UPF3A: variants seen among roughly 807,000 people sequenced by gnomAD.
UPF3A encodes regulator of nonsense transcripts 3A.
UPF3A carries 42 observed loss-of-function variants against 53.5 expected under a neutral mutation model. The observed-to-expected ratio is 0.78, with a 90% CI of 0.61 to 1.01. The LOEUF is 1.01. UPF3A is among the 50% of genes least tolerant of loss of function. The pLI is 0.00. For missense variants in UPF3A, 575 were observed against 598.0 expected (o/e 0.96, Z 0.40); for synonymous variants, 237 against 225.3 (o/e 1.05, Z -0.47).
intron 7 of UPF3A, among the ~76,000 whole-genome samples, chr13:114,296,798 G>A (rs373197199): frequency 6.6e-6 from 1 of 152,180 alleles, no homozygotes; most frequent in African/African-American, 2.4e-5. Context: ...CGCAGCTGGT[G>A]TCGGAGGGGT....
intron 3 of UPF3A, chr13:114,285,208 A>G (rs2084556529): frequency 6.6e-6 from 1 of 152,208 alleles, no homozygotes; most frequent in East Asian, 1.9e-4. Flanking sequence ...TCCCCATTGA[A>G]TGGTCTGGGC....
chr13:114,282,374 G>A (rs1298166386), intron 2 of UPF3A: 12 of 1,137,152 alleles, frequency 1.1e-5, no homozygotes, highest in South Asian at 3.8e-5. Context: ...TAGGAAAGCG[G>A]GTGCCTTTGA....
chr13:114,282,689 A>G (rs2084228490), intron 2 of UPF3A, 148 bp from the exon 3 acceptor site: 5 of 1,471,384 alleles, frequency 3.4e-6, no homozygotes, highest in Non-Finnish European at 4.5e-6. Context: ...TTGCTAAAGA[A>G]TATCCAAGTT....
chr13:114,285,238 TGACC>T (rs1359042185), intron 3 of UPF3A: 1 of 152,242 alleles, frequency 6.6e-6, no homozygotes, highest in African/African-American at 2.4e-5. Context: ...AAAAATCAGT[TGACC>T]AAGTATTACA....
At chr13:114,291,432 T>G in intron 5 of UPF3A, 57 bp from the exon 6 acceptor site, 10 of 1,447,956 alleles carry the variant, frequency 6.9e-6, no homozygotes, top group Non-Finnish European at 9.4e-6. Flanking sequence ...AAAACAAGTA[T>G]TTAAAATACA....
In UPF3A at chr13:114,302,003, G is replaced by A. The variant is rs144828938; in HGVS notation, c.1280G>A (p.Arg427Lys). The A allele has an allele frequency of 1.3e-6, 2 of 1,529,182 alleles. No homozygotes were observed. The highest frequency in any genetic ancestry group is 2.8e-5 in the African/African-American group (2 of 71,536). 94.7% of individuals were successfully genotyped at this position (1,529,182 alleles called of 1,614,324 possible). A position where few individuals can be genotyped will look rare whatever the true frequency, so the allele number is the denominator to read the frequency against. The change falls in exon 9 of 10, where the codon AGA (arginine) becomes AAA (lysine). Residue 427 changes from arginine to lysine, a missense_variant. Physicochemically the swap from Arg to Lys is conservative, Grantham distance 26 (BLOSUM62 2). This residue lies in a region of UPF3A where 323 missense variants were observed against 415.2 expected (regional missense o/e 0.78). Transcript: ENST00000375299. ...AGGTGTGACGACAGTCCAGCACCCA[G>A]AAAAGAGCGACTGGCAAACAAGGTT... Reference protein sequence around the residue: ...AQRCDDSPAPRKERLANKDRP... With the variant: ...AQRCDDSPAPKKERLANKDRP...
At chr13:114,281,973 C>T (rs1319239179) in intron 1 of UPF3A, 48 bp from the exon 2 acceptor site, 16 of 1,515,788 alleles carry the variant, frequency 1.1e-5, no homozygotes, top group African/African-American at 4.2e-5. Context: ...CTTTTGAGCT[C>T]CTTGTCCACG....
chr13:114,297,150 T>C (rs964161464), intron 7 of UPF3A, among the ~76,000 whole-genome samples: 35 of 152,148 alleles, frequency 2.3e-4, no homozygotes, highest in Non-Finnish European at 4.4e-5. Context: ...GCTGCAATTA[T>C]GAGTGAGAAC....
At chr13:114,283,928 G>A (rs904333819) in intron 3 of UPF3A, 2 of 985,336 alleles carry the variant, frequency 2.0e-6, no homozygotes, top group Non-Finnish European at 2.4e-6. Context: ...CCAATGAGGG[G>A]TAAGGACTAG....
At position 114,282,912 on chromosome 13, in the gene UPF3A, T is replaced by G. The variant is rs775581292; in HGVS notation, c.390T>G (p.Arg130=). The G allele has an allele frequency of 2.5e-6, 4 of 1,611,682 alleles. No individual in the cohort carries two copies. Among genetic ancestry groups the G allele is most frequent in the East Asian group, 4.5e-5 (2 of 44,834 alleles). ...NPDDILLFRD[R]FDGYIFLDSK... ...ATGACATCCTTCTTTTTAGAGATCG[T>G]TTTGATGGATATATCTTCCTTGACA... is the stretch of plus-strand genomic sequence containing the variant. The change falls in exon 3 of 10, where the codon CGT becomes CGG. Residue 130 remains arginine (R), a synonymous_variant. Transcript: ENST00000375299.
Position 114,281,791 on chromosome 13 carries a change from G to A in UPF3A, c.152G>A (p.Gly51Asp), listed in dbSNP as rs778887885. Residue 51 changes from glycine (G) to aspartate (D), a missense_variant, in exon 1 of 10, where the codon GGT becomes GAT. Physicochemically the swap from Gly to Asp is moderately conservative, Grantham distance 94. Coordinates refer to ENST00000375299, the MANE Select transcript of UPF3A (RefSeq NM_023011.4). Reference sequence around the variant, plus strand: ...GAGACGCCGCCAACTTCGTCCTCCGGTTGCGGGGGCGGTGCGGGCAAACCT... The same window carrying A: ...GAGACGCCGCCAACTTCGTCCTCCGATTGCGGGGGCGGTGCGGGCAAACCT... ...EAETPPTSSS[G>D]CGGGAGKPRE... 1.9e-6 allele frequency: 3 copies of A among 1,556,914 alleles called. No homozygotes were observed. The highest frequency in any genetic ancestry group is 2.6e-6 in the Non-Finnish European group (3 of 1,151,374).
In UPF3A at chr13:114,287,038, A is replaced by C. The variant is rs114465403; in HGVS notation, c.631+409A>C. 8.2e-3 allele frequency: 1,339 copies of C among 162,484 alleles called. 17 individuals are homozygous for C. Among genetic ancestry groups the C allele is most frequent in the African/African-American group, 0.03 (1,242 of 41,654 alleles). 10.1% of individuals were successfully genotyped at this position (162,484 alleles called of 1,614,324 possible). On this transcript the variant is annotated intron_variant, in intron 5 of 9. Coordinates refer to ENST00000375299, the MANE Select transcript of UPF3A (RefSeq NM_023011.4). ...TGAGGTCATCTTGCTGCTTCAACAC[A>C]AATGCCAGGCTCCCCGAGCCAGGCC... is the stretch of plus-strand genomic sequence containing the variant.
At chr13:114,297,828 C>CA (rs1003256471) in intron 7 of UPF3A, among the ~76,000 whole-genome samples, 70 of 151,688 alleles carry the variant, frequency 4.6e-4, no homozygotes, top group African/African-American at 1.6e-3. Flanking sequence ...GACGTCGTCT[C>CA]AAAAAAAACA....
intron 8 of UPF3A, 24 bp from the exon 9 acceptor site, chr13:114,301,707 C>G (rs758394500): frequency 2.5e-6 from 4 of 1,593,818 alleles, no homozygotes; most frequent in Non-Finnish European, 1.7e-6. Flanking sequence ...ACTGCAGTTG[C>G]TGATCATTTG....
intron 5 of UPF3A, among the ~76,000 whole-genome samples, chr13:114,291,206 T>C (rs569178378): frequency 1.3e-3 from 193 of 152,364 alleles, no homozygotes; most frequent in Non-Finnish European, 2.1e-3. Flanking sequence ...AATAAATATA[T>C]GTTATTTAAT....
chr13:114,287,648 G>T (rs1181928956), intron 5 of UPF3A: 1 of 152,098 alleles, frequency 6.6e-6, no homozygotes, highest in Non-Finnish European at 1.5e-5. Flanking sequence ...TTATTTTCCT[G>T]TCTGTCTCCC....
chr13:114,291,868 C>A lies in UPF3A; in HGVS notation c.846+76C>A, dbSNP rs570291670. 6.8e-6 allele frequency: 10 copies of A among 1,462,372 alleles called. No individual in the cohort carries two copies. The East Asian group carries it at 9.2e-5, about 13-fold the overall frequency. The allele number at this position is 1,462,372 out of a possible 1,614,324, so 90.6% of individuals were successfully genotyped here. On this transcript the variant is annotated intron_variant, in intron 7 of 9. Coordinates refer to ENST00000375299, the MANE Select transcript of UPF3A (RefSeq NM_023011.4). ...ATTACACTTTTTACATATCTTAGTT[C>A]TTTAGAATTTTGAAAACATTCTGAA...
chr13:114,290,629 G>A (rs2139222629), intron 5 of UPF3A, among the ~76,000 whole-genome samples: 1 of 152,298 alleles, frequency 6.6e-6, no homozygotes, highest in East Asian at 1.9e-4. Flanking sequence ...TGAAAGCGAA[G>A]GACCAAGATA....
rs541324992 is a variant in UPF3A, at chr13:114,282,537, C to T, written c.315-300C>T. The T allele has an allele frequency of 1.6e-3, 1,611 of 985,448 alleles. 3 individuals are homozygous for T. Among genetic ancestry groups the T allele is most frequent in the Non-Finnish European group, 1.8e-3 (1,533 of 829,924 alleles). 61.0% of individuals were successfully genotyped at this position (985,448 alleles called of 1,614,324 possible). On this transcript the variant is annotated intron_variant, in intron 2 of 9. Coordinates refer to ENST00000375299, the MANE Select transcript of UPF3A (RefSeq NM_023011.4). ...TAAATACCGGAGAAGGTCCCCAAGT[C>T]AGGAGAGTCTCTCGGCGCCACGGGT... is the stretch of plus-strand genomic sequence containing the variant.
Sources: allele counts gnomAD v4.1 joint callset (sites outside exome capture counted in the v4.1 genomes callset), GRCh38; gene constraint gnomAD v4.1.1; regional missense constraint gnomAD v4.1.1; transcripts MANE v1.5; gene names NCBI Gene and HGNC (gene_info 2026-07-23, HGNC 2026-07-21).